PGAP1: variants seen among roughly 807,000 people sequenced by gnomAD.
PGAP1 encodes post-GPI attachment to proteins inositol deacylase 1, also known as GPI inositol-deacylase.
In PGAP1, 76 loss-of-function variants were observed where a neutral mutation model predicts 127.0. The observed-to-expected ratio is 0.60, with a 90% confidence interval of 0.50 to 0.72. PGAP1 has a LOEUF of 0.72. Among genes scored for constraint, PGAP1 ranks in the 30% least tolerant of loss-of-function variants. The probability of loss-of-function intolerance (pLI) is 0.00; values close to 1 mark genes in which losing one functional copy is unlikely to be tolerated. For missense variants in PGAP1, 982 were observed against 1,071.3 expected, an observed-to-expected ratio of 0.92 and a Z score of 1.16; for synonymous variants, 362 against 366.5, an observed-to-expected ratio of 0.99 and a Z score of 0.14.
chr2:196,892,238 G>C, intron 9 of PGAP1, 108 bp downstream of exon 9: 1 of 562,970 alleles, frequency 1.8e-6, no homozygotes, highest in Non-Finnish European at 3.2e-6. Context: ...TAAATTGTGG[G>C]AAAATGGCAT....
rs1001897379 is a variant in PGAP1, at chr2:196,920,608, T to G, written c.148-458A>C. ...CTCAGACCCAACTATCTATTTCAGT[T>G]GTTATATCTTCAAAAGAAAGTAAGT... On this transcript the variant is annotated intron_variant, in intron 1 of 26. Coordinates refer to ENST00000354764, the MANE Select transcript of PGAP1 (RefSeq NM_024989.4). Among the ~76,000 whole-genome samples the G allele has an allele frequency of 7.2e-5, 11 of 152,270 alleles. 1 individual carries two copies. The highest frequency in any genetic ancestry group is 1.3e-4 in the Admixed American group (2 of 15,286).
At chr2:196,918,033 G>A (rs1703072930) in intron 2 of PGAP1, among the ~76,000 whole-genome samples, 2 of 152,140 alleles carry the variant, frequency 1.3e-5, no homozygotes, top group African/African-American at 4.8e-5. Context: ...TATCCTAGGA[G>A]GTATGAAGTG....
rs1296966069 is a variant in PGAP1, at chr2:196,902,704, C to G, written c.688G>C (p.Ala230Pro). The change falls in exon 5 of 27, where the codon GCT becomes CCT. Residue 230 changes from alanine (A) to proline (P), a missense_variant. Transcript: ENST00000354764. ...AGTGTGGTTAAATTTATGTGTCGAG[C>G]ATTTAGAATCCAATAGTTGTTTACA... Reference protein sequence around the residue: ...TTVNNYWILNARHINLTTLSV... With the variant: ...TTVNNYWILNPRHINLTTLSV... 1.2e-6 allele frequency: 2 copies of G among 1,611,868 alleles called. No individual in the cohort carries two copies. The highest frequency in any genetic ancestry group is 2.7e-5 in the African/African-American group (2 of 74,830).
Position 196,839,276 on chromosome 2 carries a change from T to C in PGAP1, c.*1958A>G, listed in dbSNP as rs1700335621. ...TTAAGGACACATGTAATCTGTAACT[T>C]GAGATACACTAAAATATCAGGTGAC... On this transcript the variant is annotated 3_prime_UTR_variant, in exon 27 of 27. Coordinates refer to ENST00000354764, the MANE Select transcript of PGAP1 (RefSeq NM_024989.4). 6.6e-6 allele frequency: 1 copy of C among 152,556 alleles called. No homozygotes were observed. Among genetic ancestry groups the C allele is most frequent in the African/African-American group, 2.4e-5 (1 of 41,454 alleles). The allele number at this position is 152,556 out of a possible 1,614,324, so 9.5% of individuals were successfully genotyped here. A position where few individuals can be genotyped will look rare whatever the true frequency, so the allele number is the denominator to read the frequency against.
chr2:196,873,485 T>C (rs1295061415), intron 16 of PGAP1, 43 bp downstream of exon 16: 2 of 1,463,664 alleles, frequency 1.4e-6, no homozygotes, highest in Non-Finnish European at 1.9e-6. Flanking sequence ...AGTCTTCAAA[T>C]GACAATATTA....
At chr2:196,880,013 G>C (rs1701682396) in intron 13 of PGAP1, 63 bp downstream of exon 13, 1 of 1,191,952 alleles carries the variant, frequency 8.4e-7, no homozygotes, top group African/African-American at 1.5e-5. Context: ...CATTGAAAAA[G>C]AACTGTAAAA....
chr2:196,917,473 A>C (rs1345835595), intron 2 of PGAP1, among the ~76,000 whole-genome samples: 1 of 152,202 alleles, frequency 6.6e-6, no homozygotes, highest in East Asian at 1.9e-4. Flanking sequence ...TTTCAAAAAC[A>C]AAACTCTGTG....
chr2:196,890,056 C>A (rs1320949189), intron 10 of PGAP1, among the ~76,000 whole-genome samples: 1 of 151,940 alleles, frequency 6.6e-6, no homozygotes, highest in Non-Finnish European at 1.5e-5. Context: ...TCCCCAGCCC[C>A]CCAAGTAGCA....
chr2:196,844,039 T>G lies in PGAP1; in HGVS notation c.2374A>C (p.Asn792His). Residue 792 changes from asparagine (N) to histidine (H), a missense_variant, in exon 25 of 27, where the codon AAT (asparagine) becomes CAT (histidine). Asn to His is a moderately conservative substitution (Grantham distance 68). Coordinates refer to ENST00000354764, the MANE Select transcript of PGAP1 (RefSeq NM_024989.4). ...KHSRRSEKKSNHHKDSSIHHL... is the reference protein window; with the variant it reads ...KHSRRSEKKSHHHKDSSIHHL... ...TGTATTGAGGAGTCTTTATGATGAT[T>G]GGATTTCTTTTCACTTCTTCTAGAG... 6.3e-7 allele frequency: 1 copy of G among 1,597,446 alleles called. No homozygotes were observed. The highest frequency in any genetic ancestry group is 8.5e-7 in the Non-Finnish European group (1 of 1,169,898).
chr2:196,854,660 A>G (rs907220760), intron 20 of PGAP1, among the ~76,000 whole-genome samples: 1 of 152,244 alleles, frequency 6.6e-6, no homozygotes, highest in African/African-American at 2.4e-5. Flanking sequence ...GATTTTAACC[A>G]TGACTATGAT....
rs1701195075 is a variant in PGAP1, at chr2:196,865,088, A to G, written c.1768-8T>C. ...ACCATGAAATCTAACTACCTAAAAAACAGGTAAGTCAATGGGCAACTCCTG... is the reference window on the plus strand; with the variant it reads ...ACCATGAAATCTAACTACCTAAAAAGCAGGTAAGTCAATGGGCAACTCCTG... On this transcript the variant is annotated splice_region_variant and splice_polypyrimidine_tract_variant and intron_variant, in intron 19 of 26. Transcript: ENST00000354764. 6.7e-6 allele frequency: 10 copies of G among 1,502,330 alleles called. No homozygotes were observed. Among genetic ancestry groups the G allele is most frequent in the Non-Finnish European group, 9.0e-6 (10 of 1,115,642 alleles). 93.1% of individuals were successfully genotyped at this position (1,502,330 alleles called of 1,614,324 possible). A position where few individuals can be genotyped will look rare whatever the true frequency, so the allele number is the denominator to read the frequency against.
At chr2:196,902,488 C>G in intron 5 of PGAP1, 97 bp downstream of exon 5, 1 of 1,050,962 alleles carries the variant, frequency 9.5e-7, no homozygotes, top group Non-Finnish European at 1.4e-6. Context: ...ACCACTAACT[C>G]AGCAGTCATT....
intron 10 of PGAP1, among the ~76,000 whole-genome samples, chr2:196,887,885 C>G (rs1051769529): frequency 3.3e-5 from 5 of 152,210 alleles, no homozygotes; most frequent in African/African-American, 1.2e-4. Context: ...CAGAACAGAT[C>G]TGCACAGCCT....
chr2:196,837,273 G>A lies in PGAP1; in HGVS notation c.*3961C>T, dbSNP rs936379719. On this transcript the variant is annotated 3_prime_UTR_variant, in exon 27 of 27. Coordinates refer to ENST00000354764, the MANE Select transcript of PGAP1 (RefSeq NM_024989.4). ...TTTATTTCCCTTGGCCACAAAGGGTGCTAATAAACAGCAAGATGAAATGAA... is the reference window on the plus strand; with the variant it reads ...TTTATTTCCCTTGGCCACAAAGGGTACTAATAAACAGCAAGATGAAATGAA... 6.6e-6 allele frequency: 1 copy of A among 152,162 alleles called. No individual in the cohort carries two copies. The highest frequency in any genetic ancestry group is 2.4e-5 in the African/African-American group (1 of 41,440). 9.4% of individuals were successfully genotyped at this position (152,162 alleles called of 1,614,324 possible). A position where few individuals can be genotyped will look rare whatever the true frequency, so the allele number is the denominator to read the frequency against.
chr2:196,846,742 G>A (rs1369316595), intron 22 of PGAP1, among the ~76,000 whole-genome samples: 1 of 152,098 alleles, frequency 6.6e-6, no homozygotes, highest in African/African-American at 2.4e-5. Flanking sequence ...TCACAACCAC[G>A]AAATGTAAAA....
At chr2:196,879,852 A>ATTTTGAAAGACTAGATT (rs1427158113) in intron 13 of PGAP1, among the ~76,000 whole-genome samples, 2 of 152,158 alleles carry the variant, frequency 1.3e-5, no homozygotes, top group Non-Finnish European at 2.9e-5. Context: ...TGAAAGACTG[A>ATTTTGAAAGACTAGATT]TTGATAAACT....
Position 196,926,700 on chromosome 2 carries a change from T to TAGACACTGTCCGACCGCC in PGAP1, c.-85_-84insGGCGGTCGGACAGTGTCT. 6.3e-7 allele frequency: 1 copy of TAGACACTGTCCGACCGCC among 1,576,194 alleles called. No individual in the cohort carries two copies. Among genetic ancestry groups the TAGACACTGTCCGACCGCC allele is most frequent in the Non-Finnish European group, 8.6e-7 (1 of 1,159,192 alleles). ...GGCCCCAAGCCCGGACTGAGCGTGC[T>TAGACACTGTCCGACCGCC]AGACACTGTCCGACCGCCACCCCCG... On this transcript the variant is annotated 5_prime_UTR_variant, in exon 1 of 27. Coordinates refer to ENST00000354764, the MANE Select transcript of PGAP1 (RefSeq NM_024989.4).
intron 18 of PGAP1, 59 bp downstream of exon 18, chr2:196,872,381 AG>A: frequency 8.4e-7 from 1 of 1,191,968 alleles, no homozygotes; most frequent in Non-Finnish European, 1.2e-6. Context: ...TTATATAAAA[AG>A]AACATTTCTA....
At chr2:196,893,299 G>T in intron 7 of PGAP1, 54 bp from the exon 8 acceptor site, 1 of 963,362 alleles carries the variant, frequency 1.0e-6, no homozygotes, top group Non-Finnish European at 1.6e-6. Context: ...GTAATAGCTT[G>T]ATGAAACATT....
Sources: gnomAD v4.1 joint callset for allele counts (sites outside exome capture counted in the v4.1 genomes callset) on GRCh38, gnomAD v4.1.1 for gene constraint, MANE v1.5 for transcripts, NCBI Gene and HGNC (gene_info 2026-07-23, HGNC 2026-07-21) for gene names.